Variants in RPS10 observed in about 807,000 individuals in gnomAD.
RPS10 encodes the protein small ribosomal subunit protein eS10.
A neutral mutation model predicts 22.6 loss-of-function variants in RPS10; 2 were observed. That is an observed-to-expected ratio of 0.09 (90% CI 0.04 to 0.28). The LOEUF (loss-of-function observed/expected upper bound fraction) is 0.28. RPS10 is among the 10% of genes least tolerant of loss of function. The pLI is 1.00. For missense variants in RPS10, 137 were observed against 222.2 expected (o/e 0.62, Z 2.44); for synonymous variants, 70 against 75.9 (o/e 0.92, Z 0.40).
intron 3 of RPS10, among the ~76,000 whole-genome samples, chr6:34,423,223 G>A (rs1454463267): frequency 6.6e-6 from 1 of 151,088 alleles, no homozygotes; most frequent in South Asian, 2.1e-4. Context: ...TTCAGGCTGA[G>A]TGCCATGGCC....
intron 1 of RPS10, 26 bp from the exon 2 acceptor site, chr6:34,425,247 AGC>A: frequency 6.3e-7 from 1 of 1,588,968 alleles, no homozygotes; most frequent in East Asian, 2.3e-5. Context: ...GATTGTCAAG[AGC>A]ACTTCTGAGT....
At chr6:34,418,561 G>C in intron 4 of RPS10, 137 bp from the exon 5 acceptor site, 1 of 1,361,170 alleles carries the variant, frequency 7.3e-7, no homozygotes, top group South Asian at 1.3e-5. Flanking sequence ...TACACCAGTG[G>C]TGGGGAATAC....
intron 2 of RPS10, 45 bp downstream of exon 2, chr6:34,425,027 T>A: frequency 6.2e-7 from 1 of 1,611,294 alleles, no homozygotes. Flanking sequence ...CGGGATGGGA[T>A]CCCGGGGAGG....
chr6:34,421,570 A>G (rs1002240491), intron 4 of RPS10, among the ~76,000 whole-genome samples, 160 bp downstream of exon 4: 1 of 152,174 alleles, frequency 6.6e-6, no homozygotes, highest in Admixed American at 6.5e-5. Flanking sequence ...AAAGAAGCAC[A>G]AAGGACTCCA....
chr6:34,424,914 C>T (rs1765902131), intron 2 of RPS10, 74 bp from the exon 3 acceptor site: 19 of 1,609,998 alleles, frequency 1.2e-5, no homozygotes, highest in Non-Finnish European at 1.5e-5. Context: ...CCAGTCCCAG[C>T]CAGCCCTTCA....
intron 4 of RPS10, among the ~76,000 whole-genome samples, chr6:34,418,635 T>C (rs568496534): frequency 6.6e-6 from 1 of 152,238 alleles, no homozygotes; most frequent in East Asian, 1.9e-4. Context: ...CACCCTTCAA[T>C]ACTCACAGCC....
chr6:34,421,921 G>C, intron 3 of RPS10, 114 bp from the exon 4 acceptor site: 2 of 1,091,624 alleles, frequency 1.8e-6, no homozygotes, highest in South Asian at 2.5e-5. Context: ...ACTTGGTTAA[G>C]ATGGGTTAAT....
chr6:34,422,613 G>A (rs1169322313), intron 3 of RPS10, among the ~76,000 whole-genome samples: 1 of 151,002 alleles, frequency 6.6e-6, no homozygotes, highest in Non-Finnish European at 1.5e-5. Context: ...CCACGCCCAG[G>A]CTAATTTTTT....
chr6:34,419,371 C>T (rs1229785429), intron 4 of RPS10, among the ~76,000 whole-genome samples: 7 of 152,060 alleles, frequency 4.6e-5, no homozygotes, highest in South Asian at 2.1e-4. Flanking sequence ...CCATGTTGCC[C>T]GGGCTGGTCT....
rs1561936703 is a variant in RPS10, at chr6:34,418,434, G to A, written c.401-10C>T. ...TTCTTGTCGGCACCAGCTAGAAAGTGAAACATCGATTTAGAATCATCATAT... is the reference window on the plus strand; with the variant it reads ...TTCTTGTCGGCACCAGCTAGAAAGTAAAACATCGATTTAGAATCATCATAT... On this transcript the variant is annotated splice_polypyrimidine_tract_variant and intron_variant, in intron 4 of 5. Transcript: ENST00000648437. 1.9e-6 allele frequency: 3 copies of A among 1,614,178 alleles called. No individual in the cohort carries two copies. The highest frequency in any genetic ancestry group is 2.5e-6 in the Non-Finnish European group (3 of 1,180,020).
At chr6:34,421,517 C>A (rs147532270) in intron 4 of RPS10, among the ~76,000 whole-genome samples, 23 of 152,038 alleles carry the variant, frequency 1.5e-4, no homozygotes, top group African/African-American at 5.1e-4. Flanking sequence ...TTAAAAAATC[C>A]CAGCCTCCTC....
At chr6:34,419,903 G>A (rs980708692) in intron 4 of RPS10, among the ~76,000 whole-genome samples, 9 of 152,032 alleles carry the variant, frequency 5.9e-5, no homozygotes, top group Admixed American at 1.3e-4. Flanking sequence ...TGGTGCGGGG[G>A]GCAGGGTCTC....
At chr6:34,420,877 G>A (rs983768660) in intron 4 of RPS10, among the ~76,000 whole-genome samples, 7 of 151,610 alleles carry the variant, frequency 4.6e-5, no homozygotes, top group Non-Finnish European at 1.0e-4. Flanking sequence ...GCATGGCGGC[G>A]GTCGCCTGTA....
In RPS10 at chr6:34,417,544, C is replaced by A; in HGVS notation, c.460G>T (p.Gly154Cys). The part of the protein sequence containing the change: ...AGSATEFQFR[G>C]GFGRGRGQPP... Reference sequence around the variant, plus strand: ...TGACCACGTCCACGACCAAATCCGCCTCTCTGTAAGAGAAAGCACATCACA... The same window carrying A: ...TGACCACGTCCACGACCAAATCCGCATCTCTGTAAGAGAAAGCACATCACA... Residue 154 changes from glycine to cysteine, a missense_variant, in exon 6 of 6, where the codon GGC becomes TGC. Physicochemically the swap from Gly to Cys is radical, Grantham distance 159 (BLOSUM62 -3). Transcript: ENST00000648437. 6.2e-7 allele frequency: 1 copy of A among 1,613,524 alleles called. No individual in the cohort carries two copies. Among genetic ancestry groups the A allele is most frequent in the South Asian group, 1.1e-5 (1 of 91,048 alleles).
intron 5 of RPS10, 174 bp from the exon 6 acceptor site, chr6:34,417,721 A>T (rs116500841): frequency 1.4e-6 from 1 of 731,852 alleles, no homozygotes; most frequent in Non-Finnish European, 2.5e-6. Context: ...ATGTGGGGCC[A>T]TATCTAACAT....
At chr6:34,420,907 C>T (rs927128966) in intron 4 of RPS10, among the ~76,000 whole-genome samples, 1 of 151,298 alleles carries the variant, frequency 6.6e-6, no homozygotes, top group African/African-American at 2.4e-5. Context: ...ACTCGGGAGG[C>T]TGAGGCAGGA....
At chr6:34,424,515 C>A in intron 3 of RPS10, 154 bp downstream of exon 3, 1 of 1,003,320 alleles carries the variant, frequency 1.0e-6, no homozygotes, top group Admixed American at 2.1e-5. Flanking sequence ...TAGTTCTATT[C>A]CAAGTCCCAA....
chr6:34,421,495 G>C (rs538443597), intron 4 of RPS10, among the ~76,000 whole-genome samples: 1 of 151,928 alleles, frequency 6.6e-6, no homozygotes, highest in Non-Finnish European at 1.5e-5. Context: ...AGCCCGGCCT[G>C]AGTTTTGTTT....
intron 3 of RPS10, among the ~76,000 whole-genome samples, chr6:34,422,041 A>G (rs755812463): frequency 5.9e-5 from 9 of 151,636 alleles, no homozygotes; most frequent in Non-Finnish European, 1.0e-4. Flanking sequence ...AAAGGCTTCC[A>G]TTTTGTTTCA....
Sources: gnomAD v4.1 joint callset for allele counts (sites outside exome capture counted in the v4.1 genomes callset) on GRCh38, gnomAD v4.1.1 for gene constraint, MANE v1.5 for transcripts, NCBI Gene and HGNC (gene_info 2026-07-23, HGNC 2026-07-21) for gene names.